The following CD180 variants were observed in gnomAD, a reference collection of about 807,000 sequenced individuals.
The protein encoded by CD180 is CD180 antigen.
In CD180, 11 loss-of-function variants were observed where a neutral mutation model predicts 10.7. That is an observed-to-expected ratio of 1.03 (90% CI 0.65 to 1.70). The LOEUF is 1.70. Ranked by LOEUF, CD180 falls within the 40% of genes most tolerant of loss-of-function variation. CD180 has a pLI of 0.00. For synonymous variants in CD180, 286 were observed against 294.6 expected (o/e 0.97, Z 0.30); for missense variants, 729 against 775.2 (o/e 0.94, Z 0.71).
chr5:67,190,918 C>A (rs1561237334), intron 1 of CD180: 2 of 985,182 alleles, frequency 2.0e-6, no homozygotes, highest in Non-Finnish European at 2.4e-6. Flanking sequence ...GAATTTCACT[C>A]AAGTGCTTAT....
At position 67,185,955 on chromosome 5, in the gene CD180, T is replaced by TA; in HGVS notation, c.152dup (p.Pro52ThrfsTer12). ...ATTCCAAAAATTCTGTTGTGTTTGG[T>TA]AGAGTGTCAGGGATTTCACTGAGAC... On this transcript the variant is annotated frameshift_variant, in exon 2 of 3. Coordinates refer to ENST00000256447, the MANE Select transcript of CD180 (RefSeq NM_005582.3). LOFTEE classifies it high-confidence loss of function. 2 of 1,611,666 alleles carry TA rather than the reference T, an allele frequency of 1.2e-6. No homozygotes were observed. The highest frequency in any genetic ancestry group is 1.7e-6 in the Non-Finnish European group (2 of 1,178,806).
Position 67,182,633 on chromosome 5 carries a change from G to A in CD180, c.*224C>T. On this transcript the variant is annotated 3_prime_UTR_variant, in exon 3 of 3. Coordinates refer to ENST00000256447, the MANE Select transcript of CD180 (RefSeq NM_005582.3). ...CGGAAAGGGCTCTGTGCCTCTCACA[G>A]CAGCATCTGACCCTCTGGACTGAGT... The A allele has an allele frequency of 2.4e-6, 1 of 416,396 alleles. No individual in the cohort carries two copies. The highest frequency in any genetic ancestry group is 4.3e-6 in the Non-Finnish European group (1 of 233,550). The allele number at this position is 416,396 out of a possible 1,614,324, so 25.8% of individuals were successfully genotyped here.
chr5:67,180,021 G>C lies in CD180; in HGVS notation c.*2836C>G, dbSNP rs1327983991. On this transcript the variant is annotated 3_prime_UTR_variant, in exon 3 of 3. Coordinates refer to ENST00000256447, the MANE Select transcript of CD180 (RefSeq NM_005582.3). ...GTTACAGAGTCTATCCTAGTAAACA[G>C]GTTAAAGCAATAAAATTGACAGCAG... 6.6e-6 allele frequency: 1 copy of C among 152,220 alleles called. No individual in the cohort carries two copies. Among genetic ancestry groups the C allele is most frequent in the South Asian group, 2.1e-4 (1 of 4,826 alleles). 9.4% of individuals were successfully genotyped at this position (152,220 alleles called of 1,614,324 possible).
At position 67,185,842 on chromosome 5, in the gene CD180, G is replaced by T. The variant is rs1265583836; in HGVS notation, c.257+9C>A. 1 of 1,576,218 alleles carries T rather than the reference G, an allele frequency of 6.3e-7. No individual in the cohort carries two copies. The highest frequency in any genetic ancestry group is 8.6e-7 in the Non-Finnish European group (1 of 1,160,712). Reference sequence around the variant, plus strand: ...AATAAAAGAGCACACAAATAACTCAGATACATACCTAGTTAAATCCAAAAA... The same window carrying T: ...AATAAAAGAGCACACAAATAACTCATATACATACCTAGTTAAATCCAAAAA... On this transcript the variant is annotated intron_variant, in intron 2 of 2. Transcript: ENST00000256447.
intron 1 of CD180, chr5:67,186,260 C>A (rs953760901): frequency 7.7e-5 from 21 of 272,694 alleles, no homozygotes; most frequent in Non-Finnish European, 6.8e-6. Flanking sequence ...AAACATGGTA[C>A]ATTCACAAAA....
At position 67,191,084 on chromosome 5, in the gene CD180, A is replaced by G. The variant is rs1028598510; in HGVS notation, c.91-5067T>C. ...GACTGAGCCAAATCCCAGAGCAACA[A>G]TTAGTCTCTGAAAACAAAACAAACA... On this transcript the variant is annotated intron_variant, in intron 1 of 2. Transcript: ENST00000256447. The G allele has an allele frequency of 3.0e-6, 3 of 985,286 alleles. No homozygotes were observed. The East Asian group carries it at 3.4e-4, about 112-fold the overall frequency. The allele number at this position is 985,286 out of a possible 1,614,324, so 61.0% of individuals were successfully genotyped here.
At chr5:67,189,411 A>T (rs1177802067) in intron 1 of CD180, among the ~76,000 whole-genome samples, 1 of 152,244 alleles carries the variant, frequency 6.6e-6, no homozygotes, top group African/African-American at 2.4e-5. Flanking sequence ...TGAAAAACTG[A>T]TAACGAGTGG....
intron 1 of CD180, 79 bp from the exon 2 acceptor site, chr5:67,186,096 C>G: frequency 1.1e-6 from 1 of 930,098 alleles, no homozygotes; most frequent in East Asian, 2.8e-5. Context: ...TATGTTTTAC[C>G]TTCCGAGCGG....
intron 1 of CD180, among the ~76,000 whole-genome samples, chr5:67,188,101 C>G (rs764531144): frequency 6.6e-6 from 1 of 151,538 alleles, no homozygotes. Flanking sequence ...ACCAGGGACT[C>G]AGAGGTTGCA....
rs2151164941 is a variant in CD180 at position 67,183,068 on chromosome 5, T to C, written c.1775A>G (p.Tyr592Cys). Residue 592 changes from tyrosine (Y) to cysteine (C), a missense_variant, in exon 3 of 3, where the codon TAC (tyrosine) becomes TGC (cysteine). Coordinates refer to ENST00000256447, the MANE Select transcript of CD180 (RefSeq NM_005582.3). ...TCSNIHFLTW[Y>C]KENLHKLEGS... ...TTCAAGTTTGTGCAGGTTTTCTTTGTACCATGTTAAGAAATGAATATTCGA... is the reference window on the plus strand; with the variant it reads ...TTCAAGTTTGTGCAGGTTTTCTTTGCACCATGTTAAGAAATGAATATTCGA... The C allele has an allele frequency of 6.2e-7, 1 of 1,612,834 alleles. No homozygotes were observed. Among genetic ancestry groups the C allele is most frequent in the Admixed American group, 1.7e-5 (1 of 59,860 alleles).
chr5:67,186,159 G>A, intron 1 of CD180, 142 bp from the exon 2 acceptor site: 2 of 511,334 alleles, frequency 3.9e-6, no homozygotes, highest in Non-Finnish European at 6.7e-6. Flanking sequence ...AAAACAAGAT[G>A]ATGAATGCAC....
rs1025184660 is a variant in CD180, at chr5:67,183,465, T to C, written c.1378A>G (p.Ser460Gly). Reference sequence around the variant, plus strand: ...AGGCCTGCTAGAAGATGCTGATTGCTGGTATCAAGGAAGCAGTAAGTGAGA... The same window carrying C: ...AGGCCTGCTAGAAGATGCTGATTGCCGGTATCAAGGAAGCAGTAAGTGAGA... ...LNLTYCFLDTSNQHLLAGLPV... is the reference protein window; with the variant it reads ...LNLTYCFLDTGNQHLLAGLPV... The change falls in exon 3 of 3, where the codon AGC (serine) becomes GGC (glycine). Residue 460 changes from serine to glycine, a missense_variant. Physicochemically the swap from Ser to Gly is moderately conservative, Grantham distance 56 (BLOSUM62 0). Coordinates refer to ENST00000256447, the MANE Select transcript of CD180 (RefSeq NM_005582.3). 1 of 1,614,068 alleles carries C rather than the reference T, an allele frequency of 6.2e-7. No individual in the cohort carries two copies. The highest frequency in any genetic ancestry group is 1.3e-5 in the African/African-American group (1 of 74,928).
rs1742361366 is a variant in CD180, at chr5:67,194,369, A to G, written c.90+2183T>C. On this transcript the variant is annotated intron_variant, in intron 1 of 2. Coordinates refer to ENST00000256447, the MANE Select transcript of CD180 (RefSeq NM_005582.3). ...ATTACTCCTGTAGATAACATCTATT[A>G]TAGAATCTAAGATTTTTTTTTGAGA... Among the ~76,000 whole-genome samples the G allele has an allele frequency of 2.0e-5, 3 of 150,310 alleles. No individual in the cohort carries two copies. In the South Asian group the frequency reaches 6.2e-4, roughly 31 times the overall value.
At position 67,196,686 on chromosome 5, in the gene CD180, G is replaced by C; in HGVS notation, c.-45C>G. On this transcript the variant is annotated 5_prime_UTR_variant, in exon 1 of 3. Coordinates refer to ENST00000256447, the MANE Select transcript of CD180 (RefSeq NM_005582.3). ...GTGGGTTTACCTAATGCTTGGAGCTGAGAAATGGAATCAAACTGTGAAGGC... is the reference window on the plus strand; with the variant it reads ...GTGGGTTTACCTAATGCTTGGAGCTCAGAAATGGAATCAAACTGTGAAGGC... The C allele has an allele frequency of 6.2e-7, 1 of 1,610,526 alleles. No homozygotes were observed. Among genetic ancestry groups the C allele is most frequent in the Non-Finnish European group, 8.5e-7 (1 of 1,177,936 alleles).
chr5:67,183,469 A>G lies in CD180; in HGVS notation c.1374T>C (p.Asp458=). ...CTGCTAGAAGATGCTGATTGCTGGTATCAAGGAAGCAGTAAGTGAGATTCA... is the reference window on the plus strand; with the variant it reads ...CTGCTAGAAGATGCTGATTGCTGGTGTCAAGGAAGCAGTAAGTGAGATTCA... ...QVLNLTYCFL[D]TSNQHLLAGL... The change falls in exon 3 of 3, where the codon GAT becomes GAC. Residue 458 remains aspartate, a synonymous_variant. Transcript: ENST00000256447. 2.5e-6 allele frequency: 4 copies of G among 1,614,226 alleles called. No homozygotes were observed. The highest frequency in any genetic ancestry group is 3.4e-6 in the Non-Finnish European group (4 of 1,180,036).
rs752737892 is a variant in CD180 at position 67,184,285 on chromosome 5, G to A, written c.558C>T (p.His186=). ...KVLDFQNNAI[H]YISREDMRSL... ...ACCTCATGTCTTCTCTAGAGATGTA[G>A]TGTATAGCATTATTCTGAAAATCCA... The change falls in exon 3 of 3, where the codon CAC becomes CAT. Residue 186 remains histidine (H), a synonymous_variant. Transcript: ENST00000256447. 13 of 1,613,982 alleles carry A rather than the reference G, an allele frequency of 8.1e-6. No individual in the cohort carries two copies. Among genetic ancestry groups the A allele is most frequent in the Admixed American group, 1.7e-5 (1 of 60,006 alleles).
rs148500952 is a variant in CD180 at position 67,183,861 on chromosome 5, G to C, written c.982C>G (p.Leu328Val). Residue 328 changes from leucine (L) to valine (V), a missense_variant, in exon 3 of 3, where the codon CTC becomes GTC. Transcript: ENST00000256447. ...AATTGATCGAAATGATTTACACTGAGAACTAATTTCTTGAGCAAGTTCAGA... is the reference window on the plus strand; with the variant it reads ...AATTGATCGAAATGATTTACACTGACAACTAATTTCTTGAGCAAGTTCAGA... ...KGLNLLKKLVLSVNHFDQLCQ... is the reference protein window; with the variant it reads ...KGLNLLKKLVVSVNHFDQLCQ... 4.3e-4 allele frequency: 698 copies of C among 1,614,166 alleles called. 1 individual carries two copies. Among genetic ancestry groups the C allele is most frequent in the Non-Finnish European group, 5.1e-4 (604 of 1,180,040 alleles).
At chr5:67,193,311 T>C (rs140529531) in intron 1 of CD180, among the ~76,000 whole-genome samples, 1 of 152,204 alleles carries the variant, frequency 6.6e-6, no homozygotes, top group East Asian at 1.9e-4. Context: ...GAAGGGTGAG[T>C]AAAGTTCGGG....
chr5:67,183,383 G>C lies in CD180; in HGVS notation c.1460C>G (p.Thr487Arg), dbSNP rs140748436. Residue 487 changes from threonine to arginine, a missense_variant, in exon 3 of 3, where the codon ACG becomes AGG. Physicochemically the swap from Thr to Arg is moderately conservative, Grantham distance 71. Coordinates refer to ENST00000256447, the MANE Select transcript of CD180 (RefSeq NM_005582.3). ...CACGGTCTGAAGTAGGTTGGTCTTC[G>C]TGATAGTCCCATCTTGAAAGTGATT... is the stretch of plus-strand genomic sequence containing the variant. The part of the protein sequence containing the change: ...KGNHFQDGTI[T>R]KTNLLQTVGS... The C allele has an allele frequency of 1.9e-6, 3 of 1,614,196 alleles. No individual in the cohort carries two copies. The highest frequency in any genetic ancestry group is 4.5e-5 in the East Asian group (2 of 44,888).
Sources: allele counts gnomAD v4.1 joint callset (sites outside exome capture counted in the v4.1 genomes callset), GRCh38; gene constraint gnomAD v4.1.1; transcripts MANE v1.5; gene names NCBI Gene and HGNC (gene_info 2026-07-23, HGNC 2026-07-21).